Variants in STK32B observed in about 807,000 individuals in gnomAD.
STK32B encodes serine/threonine-protein kinase 32B.
Under a neutral mutation model 52.6 loss-of-function variants are expected in STK32B, and 43 were observed. The observed-to-expected ratio is 0.82, with a 90% CI of 0.64 to 1.05. STK32B has a LOEUF of 1.05. Ranked by LOEUF, STK32B falls within the 50% of genes least tolerant of loss-of-function variation. The pLI is 0.00. For synonymous variants in STK32B, 238 were observed against 204.3 expected (o/e 1.17, Z -1.41); for missense variants, 621 against 534.6 (o/e 1.16, Z -1.59).
intron 4 of STK32B, among the ~76,000 whole-genome samples, chr4:5,383,688 G>C (rs1337929861): frequency 1.3e-5 from 2 of 152,158 alleles, no homozygotes; most frequent in Admixed American, 6.5e-5. Flanking sequence ...GAAACCACTA[G>C]GCAGTGGACT....
intron 5 of STK32B, among the ~76,000 whole-genome samples, chr4:5,416,315 A>G (rs1330441430): frequency 6.6e-6 from 1 of 151,838 alleles, no homozygotes; most frequent in Non-Finnish European, 1.5e-5. Flanking sequence ...CACCCAGCCT[A>G]TCCATGCCCA....
At chr4:5,181,367 C>CACACACACACACACAG (rs1272404587) in intron 3 of STK32B, among the ~76,000 whole-genome samples, 5 of 96,326 alleles carry the variant, frequency 5.2e-5, no homozygotes, top group African/African-American at 1.6e-4. Context: ...CACACACACA[C>CACACACACACACACAG]AGAGATCTCA....
intron 3 of STK32B, among the ~76,000 whole-genome samples, chr4:5,311,156 G>T (rs539213187): frequency 1.3e-5 from 2 of 152,190 alleles, no homozygotes; most frequent in South Asian, 4.1e-4. Flanking sequence ...AAAAAATTCT[G>T]TACCACTATA....
chr4:5,114,838 C>G (rs114334023), intron 1 of STK32B, among the ~76,000 whole-genome samples: 1 of 152,114 alleles, frequency 6.6e-6, no homozygotes, highest in Non-Finnish European at 1.5e-5. Flanking sequence ...CGTTATTCCA[C>G]GGGGTGGTGC....
At chr4:5,207,715 C>T (rs998081059) in intron 3 of STK32B, among the ~76,000 whole-genome samples, 2 of 150,948 alleles carry the variant, frequency 1.3e-5, no homozygotes, top group African/African-American at 4.9e-5. Context: ...CATTTTTTTT[C>T]TTAAGAAAGT....
At chr4:5,198,071 CT>C (rs1172642595) in intron 3 of STK32B, among the ~76,000 whole-genome samples, 2 of 152,042 alleles carry the variant, frequency 1.3e-5, no homozygotes, top group African/African-American at 4.8e-5. Context: ...AAACTACCCC[CT>C]ATGATGAACT....
intron 11 of STK32B, among the ~76,000 whole-genome samples, chr4:5,480,316 G>A (rs542926268): frequency 1.3e-5 from 2 of 152,246 alleles, no homozygotes; most frequent in South Asian, 2.1e-4. Flanking sequence ...GAGGTCCTGA[G>A]AACATATATG....
intron 6 of STK32B, among the ~76,000 whole-genome samples, chr4:5,439,483 A>G (rs1714487951): frequency 6.6e-6 from 1 of 151,352 alleles, no homozygotes; most frequent in African/African-American, 2.4e-5. Flanking sequence ...GTTTGAGTTC[A>G]TTGTAGATTC....
intron 3 of STK32B, among the ~76,000 whole-genome samples, chr4:5,263,381 A>G (rs1161031692): frequency 6.6e-6 from 1 of 152,196 alleles, no homozygotes; most frequent in Non-Finnish European, 1.5e-5. Context: ...AAGCCACAGC[A>G]GGGGTGTCAT....
chr4:5,333,508 T>C (rs1732415740), intron 4 of STK32B, among the ~76,000 whole-genome samples: 1 of 152,368 alleles, frequency 6.6e-6, no homozygotes, highest in African/African-American at 2.4e-5. Flanking sequence ...ATTTTGGCTT[T>C]TGTTGCCATT....
intron 3 of STK32B, among the ~76,000 whole-genome samples, chr4:5,325,339 T>C (rs936961563): frequency 3.3e-5 from 5 of 149,762 alleles, no homozygotes; most frequent in African/African-American, 7.5e-5. Flanking sequence ...GTTTTTTTTT[T>C]CCACATCAGC....
chr4:5,239,734 A>T (rs958574890), intron 3 of STK32B, among the ~76,000 whole-genome samples: 18 of 151,964 alleles, frequency 1.2e-4, no homozygotes, highest in Admixed American at 4.6e-4. Context: ...TTAATTATTT[A>T]TATGGTTATA....
rs1249392867 is a variant in STK32B, at chr4:5,456,888, A to C, written c.748A>C (p.Thr250Pro). The change falls in exon 8 of 12, where the codon ACG (threonine) becomes CCG (proline). Residue 250 changes from threonine to proline, a missense_variant. Thr to Pro is a conservative substitution (Grantham distance 38). Coordinates refer to ENST00000282908, the MANE Select transcript of STK32B (RefSeq NM_018401.3). ...GGTGGAGCGTGTCCACTACTCCTCC[A>C]CGTGGTGCAAGGGGATGGTGGCCCT... ...FKVERVHYSSTWCKGMVALLR... is the reference protein window; with the variant it reads ...FKVERVHYSSPWCKGMVALLR... 1 of 1,590,224 alleles carries C rather than the reference A, an allele frequency of 6.3e-7. No individual in the cohort carries two copies.
the STK32B span, among the ~76,000 whole-genome samples, chr4:5,030,991 C>T: frequency 6.6e-6 from 1 of 151,920 alleles, no homozygotes; most frequent in Non-Finnish European, 1.5e-5. Flanking sequence ...TGTGGAAGCT[C>T]AGCAAATCCA....
chr4:5,489,626 T>G (rs1024267384), intron 11 of STK32B, among the ~76,000 whole-genome samples: 4 of 152,016 alleles, frequency 2.6e-5, no homozygotes, highest in African/African-American at 9.7e-5. Flanking sequence ...TATTTATTTT[T>G]TATTATTTTT....
chr4:5,054,490 G>A (rs569988127), intron 1 of STK32B, among the ~76,000 whole-genome samples: 1 of 141,856 alleles, frequency 7.0e-6, no homozygotes, highest in South Asian at 2.4e-4. Flanking sequence ...AAGGCAGATG[G>A]TAAAGAGTAA....
chr4:5,189,653 A>T (rs1468372438), intron 3 of STK32B, among the ~76,000 whole-genome samples: 2 of 152,054 alleles, frequency 1.3e-5, no homozygotes, highest in Non-Finnish European at 2.9e-5. Flanking sequence ...TACATTTTCA[A>T]CTCCTTTGCA....
At chr4:5,477,920 C>A (rs1455421583) in intron 11 of STK32B, among the ~76,000 whole-genome samples, 1 of 152,150 alleles carries the variant, frequency 6.6e-6, no homozygotes, top group South Asian at 2.1e-4. Context: ...TCCAGTGCCC[C>A]CACCCACACC....
chr4:5,093,565 G>A (rs2108785830), intron 1 of STK32B, among the ~76,000 whole-genome samples: 1 of 152,268 alleles, frequency 6.6e-6, no homozygotes, highest in Non-Finnish European at 1.5e-5. Context: ...CCTGTTGTGA[G>A]GTGGGGGAAG....
Sources: allele counts gnomAD v4.1 joint callset (sites outside exome capture counted in the v4.1 genomes callset), GRCh38; gene constraint gnomAD v4.1.1; transcripts MANE v1.5; gene names NCBI Gene and HGNC (gene_info 2026-07-23, HGNC 2026-07-21).